The following DDHD2 variants were observed in gnomAD, a reference collection of about 807,000 sequenced individuals.
DDHD2 encodes triacylglycerol hydrolase DDHD2.
A neutral mutation model predicts 91.2 loss-of-function variants in DDHD2; 62 were observed. The observed-to-expected ratio is 0.68, with a 90% confidence interval of 0.55 to 0.84. The LOEUF (loss-of-function observed/expected upper bound fraction) is 0.84. Ranked by LOEUF, DDHD2 falls within the 40% of genes least tolerant of loss-of-function variation. The pLI, the probability that DDHD2 is intolerant of heterozygous loss-of-function variation, is 0.00. For missense variants in DDHD2, 740 were observed against 846.9 expected (o/e 0.87, Z 1.57); for synonymous variants, 271 against 293.9 (o/e 0.92, Z 0.80).
At chr8:38,270,459 C>T (rs886515277) in intron 1 of DDHD2, 1 of 152,154 alleles carries the variant, frequency 6.6e-6, no homozygotes, top group Admixed American at 6.5e-5. Context: ...TGATATTAGC[C>T]AGTTGTAATA....
At chr8:38,273,277 TG>T (rs1251665073), downstream of DDHD2, 1 of 152,340 alleles carries the variant, frequency 6.6e-6, no homozygotes, top group East Asian at 1.9e-4. Flanking sequence ...ATTACAGGTG[TG>T]AGCCACTGCA....
intron 10 of DDHD2, among the ~76,000 whole-genome samples, chr8:38,249,272 C>T (rs1261357074): frequency 6.6e-6 from 1 of 151,820 alleles, no homozygotes; most frequent in Non-Finnish European, 1.5e-5. Flanking sequence ...GCCACTGCGC[C>T]TGGCTAATTT....
chr8:38,263,582 C>T, downstream of DDHD2: 1 of 985,326 alleles, frequency 1.0e-6, no homozygotes, highest in South Asian at 4.7e-5. Context: ...AAATGCACAG[C>T]AGTACCAGAT....
At chr8:38,272,006 T>C (rs1808494340), downstream of DDHD2, 1 of 152,252 alleles carries the variant, frequency 6.6e-6, no homozygotes, top group Non-Finnish European at 1.5e-5. Context: ...TTTGACCTAT[T>C]GGAATACACC....
rs1807025816 is a variant in DDHD2 at position 38,261,511 on chromosome 8, G to A, written c.*938G>A. 1 of 152,102 alleles carries A rather than the reference G, an allele frequency of 6.6e-6. No homozygotes were observed. Among genetic ancestry groups the A allele is most frequent in the Non-Finnish European group, 1.5e-5 (1 of 68,042 alleles). The allele number at this position is 152,102 out of a possible 1,614,324, so 9.4% of individuals were successfully genotyped here. A position where few individuals can be genotyped will look rare whatever the true frequency, so the allele number is the denominator to read the frequency against. On this transcript the variant is annotated 3_prime_UTR_variant, in exon 18 of 18. Transcript: ENST00000397166. ...TGCCATTTCTACTTGAGCTAAGGTA[G>A]TATTGTGTATCCTCTTTCCTTCTTA...
chr8:38,268,064 C>T, intron 1 of DDHD2: 11 of 1,571,726 alleles, frequency 7.0e-6, no homozygotes, highest in Non-Finnish European at 9.5e-6. Flanking sequence ...GGATAGAATC[C>T]AACCAGGCCT....
intron 3 of DDHD2, among the ~76,000 whole-genome samples, chr8:38,236,673 G>A (rs549511814): frequency 1.3e-5 from 2 of 152,130 alleles, no homozygotes; most frequent in Non-Finnish European, 2.9e-5. Flanking sequence ...GTGCCACAAT[G>A]CCTGGCTAAT....
chr8:38,270,764 G>A (rs965671465), intron 1 of DDHD2: 2 of 152,174 alleles, frequency 1.3e-5, no homozygotes, highest in Non-Finnish European at 2.9e-5. Flanking sequence ...CTGAATAAAT[G>A]ACTTTGGCAT....
intron 3 of DDHD2, among the ~76,000 whole-genome samples, chr8:38,234,858 C>T (rs377678403): frequency 2.7e-4 from 41 of 151,708 alleles, no homozygotes; most frequent in African/African-American, 9.7e-4. Context: ...ACCTCCACCT[C>T]CCCGGTTCAA....
intron 16 of DDHD2, among the ~76,000 whole-genome samples, chr8:38,259,051 T>C (rs1254884115): frequency 6.6e-6 from 1 of 152,138 alleles, no homozygotes; most frequent in East Asian, 1.9e-4. Context: ...GGAGGGAGAC[T>C]TCGTTACTTT....
intron 5 of DDHD2, 172 bp downstream of exon 5, chr8:38,238,381 A>T: frequency 7.2e-7 from 1 of 1,390,154 alleles, no homozygotes; most frequent in South Asian, 1.5e-5. Context: ...ATCTTAATAG[A>T]TGTAAAAATA....
chr8:38,237,948 A>T (rs1319810727), intron 4 of DDHD2, 141 bp from the exon 5 acceptor site: 1 of 772,032 alleles, frequency 1.3e-6, no homozygotes, highest in Non-Finnish European at 2.0e-6. Context: ...TCTCATTTCA[A>T]GCCATACGAG....
rs1237949067 is a variant in DDHD2, at chr8:38,241,513, C to T, written c.713-737C>T. Among the ~76,000 whole-genome samples the T allele has an allele frequency of 9.9e-5, 15 of 151,886 alleles. No individual in the cohort carries two copies. In the East Asian group the frequency reaches 1.6e-3, roughly 16 times the overall value. On this transcript the variant is annotated intron_variant, in intron 6 of 17. Transcript: ENST00000397166. ...TCAGCTCACTGCAACTTCTGCCTCC[C>T]GGGTTCAAGTGATTATCCTGCCTCA... is the stretch of plus-strand genomic sequence containing the variant.
At chr8:38,238,059 T>G in intron 4 of DDHD2, 30 bp from the exon 5 acceptor site, 1 of 1,562,136 alleles carries the variant, frequency 6.4e-7, no homozygotes, top group Non-Finnish European at 8.6e-7. Context: ...TTGCAGAATA[T>G]TTTTATTGCT....
chr8:38,236,203 G>A (rs1370681127), intron 3 of DDHD2, among the ~76,000 whole-genome samples: 2 of 151,540 alleles, frequency 1.3e-5, no homozygotes, highest in Non-Finnish European at 2.9e-5. Flanking sequence ...TAGTAGAGAC[G>A]GGGTTTCACC....
intron 1 of DDHD2, chr8:38,269,110 C>G: frequency 6.6e-7 from 1 of 1,525,468 alleles, no homozygotes; most frequent in Non-Finnish European, 8.8e-7. Flanking sequence ...CGGGCCCGGC[C>G]GTGGATCTTT....
chr8:38,260,491 TACTC>T (rs1184125891), intron 17 of DDHD2, 105 bp from the exon 18 acceptor site: 11 of 166,690 alleles, frequency 6.6e-5, no homozygotes, highest in Non-Finnish European at 1.4e-4. Context: ...AGATTTAAAT[TACTC>T]AGCCTTTTAG....
Position 38,246,233 on chromosome 8 carries a change from G to A in DDHD2, c.1058G>A (p.Gly353Asp). The change falls in exon 9 of 18, where the codon GGT (glycine) becomes GAT (aspartate). Residue 353 changes from glycine (G) to aspartate (D), a missense_variant and splice_region_variant. Gly to Asp is a moderately conservative substitution (Grantham distance 94). Coordinates refer to ENST00000397166, the MANE Select transcript of DDHD2 (RefSeq NM_015214.3). ...GGVSIAGHSL[G>D]SLILFDILTN... ...GTCCCTTCTTCTATTTTACTTATAGGTTCGCTTATATTGTTTGATATCCTA... is the reference window on the plus strand; with the variant it reads ...GTCCCTTCTTCTATTTTACTTATAGATTCGCTTATATTGTTTGATATCCTA... The A allele has an allele frequency of 5.0e-6, 8 of 1,598,982 alleles. No homozygotes were observed. The highest frequency in any genetic ancestry group is 6.9e-6 in the Non-Finnish European group (8 of 1,167,282).
Position 38,269,298 on chromosome 8 carries a change from G to C in DDHD2, n.88-1824G>C, listed in dbSNP as rs546213901. 4.2e-6 allele frequency: 5 copies of C among 1,196,422 alleles called. No homozygotes were observed. The South Asian group carries it at 7.8e-5, about 19-fold the overall frequency. The allele number at this position is 1,196,422 out of a possible 1,614,324, so 74.1% of individuals were successfully genotyped here. ...ACCGCCCCCTCTCCCAGTTGCCCGC[G>C]CTCCGGCGGCTCCCCAGGAAGACGG... On this transcript the variant is annotated intron_variant and non_coding_transcript_variant, in intron 1 of 1. Coordinates refer to the DDHD2 transcript ENST00000526071.
Sources: allele counts gnomAD v4.1 joint callset (sites outside exome capture counted in the v4.1 genomes callset), GRCh38; gene constraint gnomAD v4.1.1; transcripts MANE v1.5; gene names NCBI Gene and HGNC (gene_info 2026-07-23, HGNC 2026-07-21).